The following GRK5 variants were observed in gnomAD, a reference collection of about 807,000 sequenced individuals.
The protein encoded by GRK5 is G protein-coupled receptor kinase 5, also known as g protein-coupled receptor kinase GRK5.
GRK5 carries 40 observed loss-of-function variants against 78.4 expected under a neutral mutation model. The ratio of observed to expected loss-of-function variants is 0.51; its 90% confidence interval spans 0.40 to 0.66. The LOEUF (loss-of-function observed/expected upper bound fraction) is 0.66, where lower values mean the gene tolerates loss of function less well. Among genes scored for constraint, GRK5 ranks in the 30% least tolerant of loss-of-function variants. The pLI is 0.00. For missense variants in GRK5, 598 were observed against 759.9 expected, an observed-to-expected ratio of 0.79 and a Z score of 2.50; for synonymous variants, 289 against 296.8, an observed-to-expected ratio of 0.97 and a Z score of 0.27.
rs764564796 is a variant in GRK5, at chr10:119,436,788, G to A, written c.876G>A (p.Ala292=). The A allele has an allele frequency of 7.2e-5, 116 of 1,613,774 alleles. No homozygotes were observed. The highest frequency in any genetic ancestry group is 4.8e-4 in the Admixed American group (29 of 59,978). Residue 292 remains alanine, a synonymous_variant, in exon 9 of 16, where the codon GCG becomes GCA. Coordinates refer to ENST00000392870, the MANE Select transcript of GRK5 (RefSeq NM_005308.3). ...AGGAGGAGCGGGCCTTGTTTTATGCGGCAGAGATCCTCTGCGGCTTAGAAG... is the reference window on the plus strand; with the variant it reads ...AGGAGGAGCGGGCCTTGTTTTATGCAGCAGAGATCCTCTGCGGCTTAGAAG... The part of the protein sequence containing the change: ...GFEEERALFY[A]AEILCGLEDL...
At chr10:119,261,096 C>T (rs1457145967) in intron 1 of GRK5, among the ~76,000 whole-genome samples, 8 of 133,834 alleles carry the variant, frequency 6.0e-5, no homozygotes, top group African/African-American at 1.1e-4. Context: ...TCCTCACTTC[C>T]CAGACTGGGT....
chr10:119,396,728 G>T lies in GRK5; in HGVS notation c.295G>T (p.Gly99Ter). The change falls in exon 4 of 16, where the codon GGA becomes TGA. Residue 99 changes from glycine to a stop codon, truncating the protein, a stop_gained. Coordinates refer to ENST00000392870, the MANE Select transcript of GRK5 (RefSeq NM_005308.3). LOFTEE classifies it high-confidence loss of function. Reference protein sequence around the residue: ...EYEVTPDEKLGEKGKEIMTKY... With the variant: ...EYEVTPDEKL ...TGAAGTTACTCCAGATGAAAAACTG[G>T]GAGAGAAAGGGAAGGAAATTATGAC... The T allele has an allele frequency of 6.2e-7, 1 of 1,613,720 alleles. No homozygotes were observed. Among genetic ancestry groups the T allele is most frequent in the Non-Finnish European group, 8.5e-7 (1 of 1,179,610 alleles).
intron 2 of GRK5, among the ~76,000 whole-genome samples, chr10:119,357,134 A>G (rs1851275219): frequency 1.3e-5 from 2 of 152,252 alleles, no homozygotes; most frequent in South Asian, 4.1e-4. Context: ...GCCTTGCCCT[A>G]TCAAAGTAAT....
chr10:119,355,005 G>A (rs1274502079), intron 2 of GRK5, among the ~76,000 whole-genome samples: 4 of 151,934 alleles, frequency 2.6e-5, no homozygotes, highest in Non-Finnish European at 5.9e-5. Context: ...TAGTATATTT[G>A]CATATAACCA....
At chr10:119,337,941 A>G (rs1315129652) in intron 2 of GRK5, among the ~76,000 whole-genome samples, 1 of 152,070 alleles carries the variant, frequency 6.6e-6, no homozygotes, top group African/African-American at 2.4e-5. Flanking sequence ...CTTTTTCATG[A>G]GGACACCACT....
intron 1 of GRK5, among the ~76,000 whole-genome samples, chr10:119,316,916 T>C (rs1850496514): frequency 6.6e-6 from 1 of 152,112 alleles, no homozygotes; most frequent in Non-Finnish European, 1.5e-5. Flanking sequence ...AACCTTCTAA[T>C]CCCATGGCTG....
intron 2 of GRK5, among the ~76,000 whole-genome samples, chr10:119,345,056 C>T (rs1253795564): frequency 6.6e-6 from 1 of 151,958 alleles, no homozygotes; most frequent in South Asian, 2.1e-4. Flanking sequence ...GCAACCTCCA[C>T]CTCCTGGGTT....
chr10:119,272,585 AAAAAAAAAG>A (rs1849600283), intron 1 of GRK5, among the ~76,000 whole-genome samples: 2 of 121,424 alleles, frequency 1.6e-5, no homozygotes, highest in African/African-American at 3.0e-5. Context: ...CAAAAAAAAA[AAAAAAAAAG>A]AAAGAAAGAA....
intron 1 of GRK5, among the ~76,000 whole-genome samples, chr10:119,273,481 A>G (rs1047695287): frequency 6.6e-6 from 1 of 152,152 alleles, no homozygotes; most frequent in East Asian, 1.9e-4. Flanking sequence ...TCATGGTGTA[A>G]TGGATGTCTG....
chr10:119,319,656 G>A (rs553506698), intron 1 of GRK5, among the ~76,000 whole-genome samples: 87 of 152,348 alleles, frequency 5.7e-4, no homozygotes, highest in African/African-American at 2.1e-3. Context: ...AGGATCCTTT[G>A]GGAAAGCAAA....
intron 1 of GRK5, among the ~76,000 whole-genome samples, chr10:119,314,098 C>T (rs1364842838): frequency 6.6e-6 from 1 of 152,236 alleles, no homozygotes; most frequent in African/African-American, 2.4e-5. Context: ...AGTTCCGCTC[C>T]TGTAGAGGAC....
chr10:119,344,448 C>G (rs997619185), intron 2 of GRK5, among the ~76,000 whole-genome samples: 1 of 152,128 alleles, frequency 6.6e-6, no homozygotes, highest in Non-Finnish European at 1.5e-5. Flanking sequence ...TCTGTCCTTG[C>G]GATAGTTCAG....
chr10:119,279,315 G>C (rs1478098758), intron 1 of GRK5, among the ~76,000 whole-genome samples: 1 of 152,228 alleles, frequency 6.6e-6, no homozygotes. Context: ...CTGAGGTGCT[G>C]GGGGTTAGAA....
At chr10:119,313,451 C>A (rs1282688102) in intron 1 of GRK5, among the ~76,000 whole-genome samples, 6 of 152,066 alleles carry the variant, frequency 3.9e-5, no homozygotes, top group Admixed American at 1.3e-4. Context: ...CTTAACAGAG[C>A]AATGCCAGGT....
intron 13 of GRK5, among the ~76,000 whole-genome samples, chr10:119,449,295 A>G (rs1853224268): frequency 6.6e-6 from 1 of 152,176 alleles, no homozygotes; most frequent in African/African-American, 2.4e-5. Context: ...TACCGCCCTG[A>G]GTGGAGGCAG....
At position 119,431,251 on chromosome 10, in the gene GRK5, C is replaced by T. The variant is rs112825625; in HGVS notation, c.598-136C>T. On this transcript the variant is annotated intron_variant, in intron 7 of 15. Coordinates refer to ENST00000392870, the MANE Select transcript of GRK5 (RefSeq NM_005308.3). The surrounding 1 kb of genome is among the most constrained non-coding windows in gnomAD (Gnocchi z 4.8). ...ATCACTGGGTCCTGGGAGCCTGGAG[C>T]ACTCATGAAGCCAGGCAGGGCCGGC... 1.8e-5 allele frequency: 17 copies of T among 961,472 alleles called. No individual in the cohort carries two copies. Among genetic ancestry groups the T allele is most frequent in the Non-Finnish European group, 2.5e-5 (17 of 668,944 alleles). The allele number at this position is 961,472 out of a possible 1,614,324, so 59.6% of individuals were successfully genotyped here.
intron 1 of GRK5, among the ~76,000 whole-genome samples, chr10:119,313,221 A>ATG (rs1850421970): frequency 8.9e-6 from 1 of 112,604 alleles, no homozygotes; most frequent in African/African-American, 3.3e-5. Flanking sequence ...GGTGGTGGTG[A>ATG]CGGTAGTGAT....
chr10:119,430,516 AG>A lies in GRK5; in HGVS notation c.597+81del, dbSNP rs905893602. On this transcript the variant is annotated intron_variant, in intron 7 of 15. Coordinates refer to ENST00000392870, the MANE Select transcript of GRK5 (RefSeq NM_005308.3). The surrounding 1 kb of genome is among the most constrained non-coding windows in gnomAD (Gnocchi z 4.5). ...TCCTGTCCCTTCTAAATCAACCTAA[AG>A]GGTTGGCCCACGGGTCCCCCGGGGG... is the stretch of plus-strand genomic sequence containing the variant. 104 of 1,392,498 alleles carry A rather than the reference AG, an allele frequency of 7.5e-5. No homozygotes were observed. The African/African-American group carries it at 1.3e-3, about 17-fold the overall frequency. The allele number at this position is 1,392,498 out of a possible 1,614,324, so 86.3% of individuals were successfully genotyped here.
chr10:119,321,493 A>G (rs1328134275), intron 1 of GRK5, among the ~76,000 whole-genome samples: 1 of 152,152 alleles, frequency 6.6e-6, no homozygotes, highest in Non-Finnish European at 1.5e-5. Flanking sequence ...CCCATCTTCC[A>G]AGCCAGCCAA....
Sources: allele counts gnomAD v4.1 joint callset (sites outside exome capture counted in the v4.1 genomes callset), GRCh38; gene constraint gnomAD v4.1.1; non-coding constraint Gnocchi (gnomAD v3.1); transcripts MANE v1.5; gene names NCBI Gene and HGNC (gene_info 2026-07-23, HGNC 2026-07-21).